Variants in PDE1C observed in about 807,000 individuals in gnomAD.
The protein encoded by PDE1C is phosphodiesterase 1C.
PDE1C carries 62 observed loss-of-function variants against 93.1 expected under a neutral mutation model. The ratio of observed to expected loss-of-function variants is 0.67; its 90% CI spans 0.54 to 0.82. The LOEUF is 0.82. PDE1C is among the 40% of genes least tolerant of loss of function. The pLI is 0.00. For synonymous variants in PDE1C, 325 were observed against 310.1 expected, an observed-to-expected ratio of 1.05 and a Z score of -0.50; for missense variants, 742 against 884.6, an observed-to-expected ratio of 0.84 and a Z score of 2.04.
chr7:32,070,989 G>C, upstream of PDE1C: 1 of 985,342 alleles, frequency 1.0e-6, no homozygotes, highest in Non-Finnish European at 1.2e-6. Context: ...CAGCAGCTCT[G>C]CTGACAAGCG....
At chr7:31,912,714 A>C (rs1350302461) in intron 2 of PDE1C, among the ~76,000 whole-genome samples, 1 of 151,986 alleles carries the variant, frequency 6.6e-6, no homozygotes, top group Non-Finnish European at 1.5e-5. Context: ...AAAATAAAAA[A>C]TTATTTTGGC....
At chr7:31,732,638 C>CTCTGTGTG in the PDE1C span, among the ~76,000 whole-genome samples, 4 of 144,200 alleles carry the variant, frequency 2.8e-5, no homozygotes, top group Non-Finnish European at 6.1e-5. Context: ...TCCTCTCTTT[C>CTCTGTGTG]TGTGTGTGTG....
intron 2 of PDE1C, among the ~76,000 whole-genome samples, chr7:31,940,608 G>T (rs1436125710): frequency 6.6e-6 from 1 of 152,168 alleles, no homozygotes; most frequent in Non-Finnish European, 1.5e-5. Flanking sequence ...CCATAGGGAT[G>T]GGTGCCCTGA....
chr7:31,964,141 G>C (rs1809499491), intron 2 of PDE1C, among the ~76,000 whole-genome samples: 1 of 152,254 alleles, frequency 6.6e-6, no homozygotes, highest in Non-Finnish European at 1.5e-5. Context: ...CCGTGCGTGA[G>C]CCAAAGCACG....
chr7:32,141,458 G>T (rs1283168707), intron 3 of PDE1C, among the ~76,000 whole-genome samples: 1 of 152,210 alleles, frequency 6.6e-6, no homozygotes, highest in Non-Finnish European at 1.5e-5. Context: ...TAGTCATGTG[G>T]ATACCACATA....
chr7:31,975,938 G>A (rs763644922), intron 2 of PDE1C, among the ~76,000 whole-genome samples: 9 of 152,164 alleles, frequency 5.9e-5, no homozygotes, highest in Admixed American at 1.3e-4. Flanking sequence ...TCACAACTCA[G>A]GTTGATGTGC....
intron 1 of PDE1C, among the ~76,000 whole-genome samples, chr7:32,261,246 G>A (rs1044416894): frequency 5.9e-5 from 9 of 151,976 alleles, no homozygotes; most frequent in Admixed American, 5.9e-4. Context: ...ATATTTTGCA[G>A]ACCCCCACAC....
chr7:31,749,957 C>T (rs544419323), downstream of PDE1C, among the ~76,000 whole-genome samples: 2 of 152,074 alleles, frequency 1.3e-5, no homozygotes, highest in South Asian at 4.2e-4. Context: ...AGGCTGGTCT[C>T]GAACTCCTGA....
the PDE1C span, among the ~76,000 whole-genome samples, chr7:31,633,522 A>T: frequency 6.6e-6 from 1 of 152,230 alleles, no homozygotes; most frequent in Non-Finnish European, 1.5e-5. Flanking sequence ...ATTGAAAATT[A>T]ATTTTGTAAA....
rs1562660556 is a variant in PDE1C, at chr7:32,298,065, C to CTCTCTCTCT, written c.85+585_85+586insAGAGAGAGA. Among the ~76,000 whole-genome samples the CTCTCTCTCT allele has an allele frequency of 6.3e-3, 134 of 21,174 alleles. 53 individuals carry two copies. The highest frequency in any genetic ancestry group is 0.067 in the Middle Eastern group (2 of 30). The allele number at this position is 21,174 out of a possible 152,430, so 13.9% of individuals were successfully genotyped here. A position where few individuals can be genotyped will look rare whatever the true frequency, so the allele number is the denominator to read the frequency against. ...CTCTCTCTCTCTCTCTCTCTCTCTC[C>CTCTCTCTCT]CCTCTCTCTCTGAATTCCCCGGTCT... On this transcript the variant is annotated intron_variant, in intron 1 of 18. Transcript: ENST00000396193.
chr7:31,858,590 TC>T (rs1451069287), intron 7 of PDE1C, among the ~76,000 whole-genome samples: 1 of 152,144 alleles, frequency 6.6e-6, no homozygotes, highest in Admixed American at 6.5e-5. Context: ...AGATGCATTC[TC>T]CCACTAATAT....
intron 16 of PDE1C, among the ~76,000 whole-genome samples, chr7:31,799,909 A>G (rs550628306): frequency 2.6e-5 from 4 of 151,864 alleles, no homozygotes; most frequent in African/African-American, 9.6e-5. Context: ...CCTGACAGCC[A>G]CAGTGAAATG....
At chr7:31,692,671 G>A in the PDE1C span, 1 of 679,010 alleles carries the variant, frequency 1.5e-6, no homozygotes, top group Non-Finnish European at 2.5e-6. Flanking sequence ...CAGATGGGCA[G>A]GCAAATAGCC....
chr7:31,925,246 A>G (rs1463655748), intron 2 of PDE1C, among the ~76,000 whole-genome samples: 1 of 152,100 alleles, frequency 6.6e-6, no homozygotes, highest in Non-Finnish European at 1.5e-5. Flanking sequence ...ATTATTAATT[A>G]TATTTATTAT....
At chr7:31,749,783 G>A (rs1794084024), downstream of PDE1C, among the ~76,000 whole-genome samples, 1 of 148,998 alleles carries the variant, frequency 6.7e-6, no homozygotes, top group Non-Finnish European at 1.5e-5. Flanking sequence ...TGTCGCACAG[G>A]CTGGAGTGCA....
intron 2 of PDE1C, among the ~76,000 whole-genome samples, chr7:31,934,943 T>C (rs1325009764): frequency 6.6e-6 from 1 of 152,172 alleles, no homozygotes; most frequent in Non-Finnish European, 1.5e-5. Context: ...AGAAAATGAG[T>C]GATTATGTTC....
chr7:32,244,610 G>A (rs557231009), intron 1 of PDE1C, among the ~76,000 whole-genome samples: 11 of 152,236 alleles, frequency 7.2e-5, no homozygotes, highest in African/African-American at 2.2e-4. Flanking sequence ...CCAGTGCCAC[G>A]AGATGGTCCA....
At chr7:32,160,321 G>A (rs1801836796) in intron 3 of PDE1C, among the ~76,000 whole-genome samples, 1 of 152,160 alleles carries the variant, frequency 6.6e-6, no homozygotes, top group South Asian at 2.1e-4. Flanking sequence ...CTTAAAGTGG[G>A]GGCTCCAGAG....
intron 12 of PDE1C, 96 bp downstream of exon 12, chr7:31,828,196 C>G (rs1292309715): frequency 2.2e-6 from 2 of 913,974 alleles, no homozygotes; most frequent in African/African-American, 1.6e-5. Context: ...CAGAATGGAG[C>G]CAGTTTCCCA....
Sources: allele counts gnomAD v4.1 joint callset (sites outside exome capture counted in the v4.1 genomes callset), GRCh38; gene constraint gnomAD v4.1.1; transcripts MANE v1.5; gene names NCBI Gene and HGNC (gene_info 2026-07-23, HGNC 2026-07-21).